COL6A2: variants seen among roughly 807,000 people sequenced by gnomAD.
COL6A2 encodes collagen type VI alpha 2 chain.
In COL6A2, 90 loss-of-function variants were observed where a neutral mutation model predicts 124.9. That is an observed-to-expected ratio of 0.72 (90% confidence interval 0.61 to 0.86). The LOEUF is 0.86. Among genes scored for constraint, COL6A2 ranks in the 40% least tolerant of loss-of-function variants. The pLI, the probability that COL6A2 is intolerant of heterozygous loss-of-function variation, is 0.00. For synonymous variants in COL6A2, 793 were observed against 618.2 expected (o/e 1.28, Z -4.19); for missense variants, 1,607 against 1,502.5 (o/e 1.07, Z -1.15).
Position 46,114,443 on chromosome 21 carries a change from AAAG to A in COL6A2, c.801+373_801+375del, listed in dbSNP as rs1029790774. Among the ~76,000 whole-genome samples, 27 of 152,032 alleles carry A rather than the reference AAAG, an allele frequency of 1.8e-4. 1 individual carries two copies. The highest frequency in any genetic ancestry group is 6.3e-4 in the African/African-American group (26 of 41,496). On this transcript the variant is annotated intron_variant, in intron 5 of 27. Coordinates refer to ENST00000300527, the MANE Select transcript of COL6A2 (RefSeq NM_001849.4). ...CTGTCTCAAAAAAAAAAAAAAAAGA[AAAG>A]AAAGCCACATTTAAGGCCAGCTGTA...
intron 21 of COL6A2, 127 bp from the exon 22 acceptor site, chr21:46,124,524 C>T (rs2078628463): frequency 4.9e-6 from 4 of 814,192 alleles, no homozygotes; most frequent in Non-Finnish European, 8.2e-6. Flanking sequence ...TGTCTTACTC[C>T]TTGCACCTGT....
intron 18 of COL6A2, 79 bp from the exon 19 acceptor site, chr21:46,122,029 C>T: frequency 6.8e-7 from 1 of 1,473,676 alleles, no homozygotes; most frequent in South Asian, 1.2e-5. Flanking sequence ...CCAGTGTGCA[C>T]CTTGCGCCCT....
intron 27 of COL6A2, chr21:46,129,665 C>T (rs1301288594): frequency 1.4e-6 from 2 of 1,423,270 alleles, no homozygotes; most frequent in Admixed American, 2.9e-5. Flanking sequence ...TGCTGGTGGC[C>T]ACCGTGTCCC....
In COL6A2 at chr21:46,129,184, G is replaced by A. The variant is rs748960649; in HGVS notation, c.2461+2643G>A. The A allele has an allele frequency of 9.3e-6, 15 of 1,612,610 alleles. 1 individual carries two copies. The highest frequency in any genetic ancestry group is 8.3e-5 in the Admixed American group (5 of 60,010). ...GCAGGCCTTACAGTCTTCTCTGGAC[G>A]CTCCCTTGCAGATGCACCGTGGCCT... On this transcript the variant is annotated intron_variant, in intron 27 of 27. Coordinates refer to ENST00000300527, the MANE Select transcript of COL6A2 (RefSeq NM_001849.4).
chr21:46,107,876 C>T (rs911966876), intron 1 of COL6A2, among the ~76,000 whole-genome samples: 3 of 152,098 alleles, frequency 2.0e-5, no homozygotes, highest in Non-Finnish European at 4.4e-5. Context: ...TGAATAAAAC[C>T]GAGCTGCACC....
chr21:46,109,916 G>A (rs2078376417), intron 1 of COL6A2, among the ~76,000 whole-genome samples: 2 of 152,212 alleles, frequency 1.3e-5, no homozygotes, highest in Admixed American at 6.5e-5. Flanking sequence ...GCTGGCTCCT[G>A]CCTCCTCCAT....
chr21:46,115,479 T>G (rs2078457210), intron 5 of COL6A2, among the ~76,000 whole-genome samples: 1 of 152,252 alleles, frequency 6.6e-6, no homozygotes, highest in African/African-American at 2.4e-5. Context: ...CTGATCTGTC[T>G]AAAGTTACTT....
At position 46,126,127 on chromosome 21, in the gene COL6A2, A is replaced by T. The variant is rs550392058; in HGVS notation, c.2312A>T (p.Asn771Ile). ...DMFHEKHESE[N>I]LYSIACDKPQ... ...TTCCACGAGAAGCACGAGAGTGAAAACCTCTACTCCATCGCCTGCGACAAG... is the reference window on the plus strand; with the variant it reads ...TTCCACGAGAAGCACGAGAGTGAAATCCTCTACTCCATCGCCTGCGACAAG... The change falls in exon 26 of 28, where the codon AAC (asparagine) becomes ATC (isoleucine). Residue 771 changes from asparagine (N) to isoleucine (I), a missense_variant. Physicochemically the swap from Asn to Ile is moderately radical, Grantham distance 149. Around this residue, in one of 3 missense-constraint regions of COL6A2, gnomAD observed 1,223 missense variants for 1,052.2 expected, o/e 1.16. Coordinates refer to ENST00000300527, the MANE Select transcript of COL6A2 (RefSeq NM_001849.4). 6.2e-7 allele frequency: 1 copy of T among 1,611,690 alleles called. No homozygotes were observed. Among genetic ancestry groups the T allele is most frequent in the South Asian group, 1.1e-5 (1 of 91,074 alleles).
intron 1 of COL6A2, among the ~76,000 whole-genome samples, chr21:46,102,561 T>C (rs1349965677): frequency 6.6e-6 from 1 of 152,144 alleles, no homozygotes. Flanking sequence ...ATGTTAAGGT[T>C]GTTTCCTTCT....
chr21:46,122,610 C>T lies in COL6A2; in HGVS notation c.1608+79C>T, dbSNP rs553529129. ...CAATTGCTGGGAACACAATGCCCAC[C>T]GTCACTGACAGGACCACCCCTGTCT... is the stretch of plus-strand genomic sequence containing the variant. On this transcript the variant is annotated intron_variant, in intron 20 of 27. Coordinates refer to ENST00000300527, the MANE Select transcript of COL6A2 (RefSeq NM_001849.4). The T allele has an allele frequency of 4.2e-5, 63 of 1,493,872 alleles. 1 individual carries two copies. In the South Asian group the frequency reaches 4.9e-4, roughly 12 times the overall value. The allele number at this position is 1,493,872 out of a possible 1,614,324, so 92.5% of individuals were successfully genotyped here. A position where few individuals can be genotyped will look rare whatever the true frequency, so the allele number is the denominator to read the frequency against.
At position 46,125,996 on chromosome 21, in the gene COL6A2, G is replaced by T; in HGVS notation, c.2181G>T (p.Ala727=). ...ESRRQKTRVF[A]VVITDGRHDP... ...GGCGCCAGAAGACACGTGTGTTTGCGGTGGTCATCACGGACGGGCGCCACG... is the reference window on the plus strand; with the variant it reads ...GGCGCCAGAAGACACGTGTGTTTGCTGTGGTCATCACGGACGGGCGCCACG... The change falls in exon 26 of 28, where the codon GCG becomes GCT. Residue 727 remains alanine (A), a synonymous_variant. Coordinates refer to ENST00000300527, the MANE Select transcript of COL6A2 (RefSeq NM_001849.4). The T allele has an allele frequency of 6.2e-7, 1 of 1,613,062 alleles. No homozygotes were observed. Among genetic ancestry groups the T allele is most frequent in the Non-Finnish European group, 8.5e-7 (1 of 1,179,862 alleles).
intron 27 of COL6A2, among the ~76,000 whole-genome samples, chr21:46,127,855 A>G (rs1466789755): frequency 6.6e-6 from 1 of 152,004 alleles, no homozygotes; most frequent in Non-Finnish European, 1.5e-5. Flanking sequence ...TCTTTAGCCT[A>G]TCATTGTAGT....
chr21:46,129,866 G>C, intron 27 of COL6A2: 1 of 1,037,882 alleles, frequency 9.6e-7, no homozygotes, highest in Non-Finnish European at 1.2e-6. Context: ...GTTTGGGTGT[G>C]GAAGTCTTTG....
Position 46,126,048 on chromosome 21 carries a change from C to T in COL6A2, c.2233C>T (p.Arg745Trp), listed in dbSNP as rs140643748. The T allele has an allele frequency of 2.3e-5, 37 of 1,612,918 alleles. No homozygotes were observed. The highest frequency in any genetic ancestry group is 5.5e-5 in the South Asian group (5 of 91,088). The change falls in exon 26 of 28, where the codon CGG becomes TGG. Residue 745 changes from arginine (R) to tryptophan (W), a missense_variant. This residue lies in a region of COL6A2 where 1,223 missense variants were observed against 1,052.2 expected (regional missense o/e 1.16). Coordinates refer to ENST00000300527, the MANE Select transcript of COL6A2 (RefSeq NM_001849.4). ...CCCTCGGGACGATGACCTCAACTTGCGGGCGCTGTGCGACCGCGACGTCAC... is the reference window on the plus strand; with the variant it reads ...CCCTCGGGACGATGACCTCAACTTGTGGGCGCTGTGCGACCGCGACGTCAC... ...HDPRDDDLNL[R>W]ALCDRDVTVT...
chr21:46,109,135 G>A (rs765468162), intron 1 of COL6A2, among the ~76,000 whole-genome samples: 8 of 152,064 alleles, frequency 5.3e-5, no homozygotes, highest in Admixed American at 2.0e-4. Flanking sequence ...CCTCGAGAGC[G>A]TGTCTCCTCT....
intron 1 of COL6A2, among the ~76,000 whole-genome samples, chr21:46,110,127 C>T (rs533880604): frequency 2.6e-5 from 4 of 152,228 alleles, no homozygotes; most frequent in African/African-American, 9.6e-5. Flanking sequence ...GGGGCAACAC[C>T]GCCGTGAGCT....
intron 20 of COL6A2, 81 bp from the exon 21 acceptor site, chr21:46,122,794 T>C: frequency 7.0e-7 from 1 of 1,432,306 alleles, no homozygotes; most frequent in Non-Finnish European, 9.8e-7. Flanking sequence ...GCCAGATCGA[T>C]TTTTCCACAT....
intron 27 of COL6A2, among the ~76,000 whole-genome samples, chr21:46,131,357 C>T (rs1364074806): frequency 2.6e-5 from 4 of 152,202 alleles, no homozygotes; most frequent in African/African-American, 9.7e-5. Flanking sequence ...CACTTGGTAA[C>T]AGAGTCATAG....
intron 13 of COL6A2, 125 bp from the exon 14 acceptor site, chr21:46,118,905 C>T: frequency 1.0e-6 from 1 of 965,188 alleles, no homozygotes; most frequent in Non-Finnish European, 1.6e-6. Flanking sequence ...CTGCAGGGCC[C>T]CCATGTGCCT....
Sources: gnomAD v4.1 joint callset for allele counts (sites outside exome capture counted in the v4.1 genomes callset) on GRCh38, gnomAD v4.1.1 for gene constraint, gnomAD v4.1.1 regional missense constraint, MANE v1.5 for transcripts, NCBI Gene and HGNC (gene_info 2026-07-23, HGNC 2026-07-21) for gene names.